The following IL1RAPL1 variants were observed in gnomAD, a reference collection of about 807,000 sequenced individuals.
IL1RAPL1 encodes interleukin-1 receptor accessory protein-like 1.
A neutral mutation model predicts 48.4 loss-of-function variants in IL1RAPL1; 3 were observed. That is an observed-to-expected ratio of 0.06 (90% confidence interval 0.03 to 0.16). IL1RAPL1 has a LOEUF of 0.16. Ranked by LOEUF, IL1RAPL1 falls within the 10% of genes least tolerant of loss-of-function variation. IL1RAPL1 has a pLI of 1.00. For synonymous variants in IL1RAPL1, 185 were observed against 187.7 expected, an observed-to-expected ratio of 0.99 and a Z score of 0.12; for missense variants, 349 against 530.6, an observed-to-expected ratio of 0.66 and a Z score of 3.36.
At chrX:29,505,497 TG>T (rs1208863721) in intron 5 of IL1RAPL1, among the ~76,000 whole-genome samples, 2 of 111,845 alleles carry the variant, frequency 1.8e-5, no homozygotes, top group Non-Finnish European at 3.8e-5. Context: ...TCATACTTGA[TG>T]GACAGTTTTG....
chrX:29,726,021 C>T (rs1012584375), intron 6 of IL1RAPL1, among the ~76,000 whole-genome samples: 5 of 112,042 alleles, frequency 4.5e-5, no homozygotes, highest in Admixed American at 9.5e-5. Context: ...AAGCACGCAA[C>T]AAGCAAGGAA....
intron 2 of IL1RAPL1, among the ~76,000 whole-genome samples, chrX:28,831,972 T>C (rs926503721): frequency 9.0e-6 from 1 of 111,585 alleles, no homozygotes; most frequent in Non-Finnish European, 1.9e-5. Flanking sequence ...TTTATTATTA[T>C]TTTATATTGA....
At chrX:29,452,325 G>T (rs1458851867) in intron 5 of IL1RAPL1, among the ~76,000 whole-genome samples, 1 of 111,657 alleles carries the variant, frequency 9.0e-6, no homozygotes, top group African/African-American at 3.3e-5. Context: ...AAAATTATTG[G>T]TGTGGAAAAT....
intron 2 of IL1RAPL1, among the ~76,000 whole-genome samples, chrX:28,875,322 A>G (rs1201611459): frequency 2.7e-5 from 3 of 112,023 alleles, no homozygotes; most frequent in African/African-American, 9.7e-5. Flanking sequence ...GAATGCTCCA[A>G]AAGTAGATAT....
intron 2 of IL1RAPL1, among the ~76,000 whole-genome samples, chrX:29,156,124 A>C (rs962949671): frequency 3.6e-5 from 4 of 111,531 alleles, no homozygotes; most frequent in African/African-American, 1.3e-4. Flanking sequence ...AAGATAAGCA[A>C]ATTTTCCAAG....
At chrX:28,754,040 G>A (rs1430699456) in intron 1 of IL1RAPL1, among the ~76,000 whole-genome samples, 1 of 77,336 alleles carries the variant, frequency 1.3e-5, no homozygotes, top group African/African-American at 5.6e-5. Context: ...TTCTTCTTCA[G>A]CATCATCTTC....
chrX:29,876,277 A>G (rs1407147387), intron 6 of IL1RAPL1, among the ~76,000 whole-genome samples: 1 of 111,791 alleles, frequency 8.9e-6, no homozygotes, highest in African/African-American at 3.3e-5. Flanking sequence ...GTATATGCCA[A>G]CCTCAGAGTG....
At chrX:29,274,291 G>A (rs1422782435) in intron 2 of IL1RAPL1, among the ~76,000 whole-genome samples, 1 of 111,885 alleles carries the variant, frequency 8.9e-6, no homozygotes, top group African/African-American at 3.2e-5. Flanking sequence ...GTAGATTAAT[G>A]CCCAAAACAG....
chrX:28,921,756 TTTG>T (rs1279404685), intron 2 of IL1RAPL1, among the ~76,000 whole-genome samples: 1 of 112,332 alleles, frequency 8.9e-6, no homozygotes, highest in African/African-American at 3.2e-5. Flanking sequence ...TTTAATACTT[TTTG>T]TTGACCTTAT....
chrX:29,740,713 C>T (rs1252100809), intron 6 of IL1RAPL1, among the ~76,000 whole-genome samples: 1 of 111,836 alleles, frequency 8.9e-6, no homozygotes, highest in East Asian at 2.8e-4. Flanking sequence ...ACTCCAAGGT[C>T]GAACTGTCTA....
chrX:29,128,710 T>C (rs1418932614), intron 2 of IL1RAPL1, among the ~76,000 whole-genome samples: 1 of 111,601 alleles, frequency 9.0e-6, no homozygotes, highest in African/African-American at 3.3e-5. Flanking sequence ...TTCACCATTG[T>C]TTCCTCAGTT....
intron 2 of IL1RAPL1, among the ~76,000 whole-genome samples, chrX:28,839,095 C>T (rs1921298131): frequency 8.9e-6 from 1 of 111,827 alleles, no homozygotes; most frequent in Admixed American, 9.5e-5. Context: ...CAAATTAGAA[C>T]TTCGTTCTAT....
chrX:28,858,704 T>G (rs1230055241), intron 2 of IL1RAPL1, among the ~76,000 whole-genome samples: 2 of 112,855 alleles, frequency 1.8e-5, no homozygotes, highest in African/African-American at 3.2e-5. Flanking sequence ...CAAAAAAATT[T>G]GCGCAACTCG....
intron 5 of IL1RAPL1, among the ~76,000 whole-genome samples, chrX:29,587,529 T>C (rs1923220707): frequency 8.9e-6 from 1 of 111,732 alleles, no homozygotes; most frequent in Non-Finnish European, 1.9e-5. Flanking sequence ...TTTTAAGCAT[T>C]TTCAATGCAA....
intron 1 of IL1RAPL1, among the ~76,000 whole-genome samples, chrX:28,753,992 T>C (rs1402880535): frequency 1.8e-5 from 2 of 111,168 alleles, no homozygotes; most frequent in Non-Finnish European, 3.8e-5. Context: ...TTATTAACTA[T>C]TCTCAAGTAT....
intron 6 of IL1RAPL1, among the ~76,000 whole-genome samples, chrX:29,793,646 G>A (rs949885042): frequency 9.0e-6 from 1 of 111,350 alleles, no homozygotes; most frequent in African/African-American, 3.3e-5. Context: ...CATATTTATT[G>A]CAATAATCAT....
intron 1 of IL1RAPL1, among the ~76,000 whole-genome samples, chrX:28,654,195 T>A (rs1393935006): frequency 1.0e-5 from 1 of 98,819 alleles, no homozygotes; most frequent in African/African-American, 3.9e-5. Flanking sequence ...TTGGTGTACT[T>A]CTTTGGTTAA....
At chrX:29,553,294 C>T (rs1921879312) in intron 5 of IL1RAPL1, among the ~76,000 whole-genome samples, 1 of 111,267 alleles carries the variant, frequency 9.0e-6, no homozygotes, top group African/African-American at 3.3e-5. Context: ...TGTTAGGTGC[C>T]CATGGCTTCC....
At chrX:28,968,536 A>G (rs1924977155) in intron 2 of IL1RAPL1, among the ~76,000 whole-genome samples, 1 of 112,355 alleles carries the variant, frequency 8.9e-6, no homozygotes, top group Non-Finnish European at 1.9e-5. Flanking sequence ...TACTTTGAGG[A>G]AAACATTAGA....
Sources: gnomAD v4.1 joint callset for allele counts (sites outside exome capture counted in the v4.1 genomes callset) on GRCh38, gnomAD v4.1.1 for gene constraint, MANE v1.5 for transcripts, NCBI Gene and HGNC (gene_info 2026-07-23, HGNC 2026-07-21) for gene names.